The following HOMER2 variants were observed in gnomAD, a reference collection of about 807,000 sequenced individuals.
HOMER2 encodes homer scaffold protein 2.
Under a neutral mutation model 47.0 loss-of-function variants are expected in HOMER2, and 27 were observed. The observed-to-expected ratio is 0.57, with a 90% CI of 0.42 to 0.79. The LOEUF (loss-of-function observed/expected upper bound fraction) is 0.79, where lower values mean the gene tolerates loss of function less well. Ranked by LOEUF, HOMER2 falls within the 30% of genes least tolerant of loss-of-function variation. HOMER2 has a pLI of 0.00. For missense variants in HOMER2, 443 were observed against 435.0 expected (o/e 1.02, Z -0.16); for synonymous variants, 161 against 163.8 (o/e 0.98, Z 0.13).
intron 1 of HOMER2, among the ~76,000 whole-genome samples, chr15:82,915,119 AAATTTTTTC>A (rs928028622): frequency 6.6e-6 from 1 of 151,392 alleles, no homozygotes; most frequent in African/African-American, 2.4e-5. Flanking sequence ...GCTCAACTGA[AAATTTTTTC>A]AATTTTTTTT....
At chr15:82,852,340 C>T (rs990791002) in intron 6 of HOMER2, 88 bp from the exon 7 acceptor site, 1 of 919,070 alleles carries the variant, frequency 1.1e-6, no homozygotes, top group Non-Finnish European at 1.7e-6. Context: ...CTTCTCTTTT[C>T]TTTTAAAATA....
intron 1 of HOMER2, among the ~76,000 whole-genome samples, chr15:82,901,126 G>A (rs2053102227): frequency 6.6e-6 from 1 of 152,144 alleles, no homozygotes; most frequent in South Asian, 2.1e-4. Flanking sequence ...TGGGTCACAG[G>A]CAGAGGGCTA....
chr15:82,880,401 C>T (rs2052484360), intron 2 of HOMER2, among the ~76,000 whole-genome samples: 1 of 152,192 alleles, frequency 6.6e-6, no homozygotes, highest in Admixed American at 6.5e-5. Flanking sequence ...GAGTGGTGAT[C>T]TCTTGAGGAG....
chr15:82,912,435 C>T (rs12913501), intron 1 of HOMER2, among the ~76,000 whole-genome samples: 15,141 of 152,136 alleles, frequency 0.1, 1,027 homozygotes, highest in Middle Eastern at 0.24. Flanking sequence ...CTTTTTATGG[C>T]TGTATTATAG....
chr15:82,940,927 T>G (rs2054253079), intron 1 of HOMER2, among the ~76,000 whole-genome samples: 1 of 151,930 alleles, frequency 6.6e-6, no homozygotes, highest in African/African-American at 2.4e-5. Context: ...TCACCCCCAG[T>G]GAGAAGTCTG....
chr15:82,870,785 C>A (rs1295292566), intron 3 of HOMER2, among the ~76,000 whole-genome samples: 1 of 152,176 alleles, frequency 6.6e-6, no homozygotes, highest in Non-Finnish European at 1.5e-5. Context: ...GATGAAATCA[C>A]TGAAGTGGGT....
Position 82,851,168 on chromosome 15 carries a change from C to G in HOMER2, c.826G>C (p.Val276Leu), listed in dbSNP as rs1596300087. The G allele has an allele frequency of 2.5e-6, 4 of 1,580,064 alleles. No homozygotes were observed. The highest frequency in any genetic ancestry group is 3.4e-6 in the Non-Finnish European group (4 of 1,161,098). The change falls in exon 8 of 9, where the codon GTC becomes CTC. Residue 276 changes from valine (V) to leucine (L), a missense_variant. Transcript: ENST00000450735. Reference protein sequence around the residue: ...IPQLMSECEYVSEKLEAAERD... With the variant: ...IPQLMSECEYLSEKLEAAERD... ...CCACGTACCTCTAGCTTCTCAGAGA[C>G]ATATTCGCACTCTGACATGAGCTGA...
At chr15:82,903,273 G>A (rs1423196892) in intron 1 of HOMER2, among the ~76,000 whole-genome samples, 2 of 152,140 alleles carry the variant, frequency 1.3e-5, no homozygotes, top group Non-Finnish European at 2.9e-5. Flanking sequence ...AGCATTTCCA[G>A]TTTCCAGTTC....
At chr15:82,944,040 T>TA (rs2054319106) in intron 1 of HOMER2, among the ~76,000 whole-genome samples, 1 of 152,248 alleles carries the variant, frequency 6.6e-6, no homozygotes, top group African/African-American at 2.4e-5. Context: ...GGCTTATGAA[T>TA]AAAAATTTTT....
At chr15:82,857,037 G>T (rs2051609564) in intron 5 of HOMER2, among the ~76,000 whole-genome samples, 1 of 152,096 alleles carries the variant, frequency 6.6e-6, no homozygotes, top group East Asian at 1.9e-4. Flanking sequence ...TTCTCTTATG[G>T]ACCCAATGCT....
At chr15:82,955,755 T>C (rs1027219853), upstream of HOMER2, among the ~76,000 whole-genome samples, 2 of 152,256 alleles carry the variant, frequency 1.3e-5, no homozygotes, top group Non-Finnish European at 2.9e-5. Flanking sequence ...TCACCTGCTG[T>C]GTATCTGGTA....
At chr15:82,860,949 T>TGTG (rs55876601) in intron 4 of HOMER2, among the ~76,000 whole-genome samples, 1 of 71,100 alleles carries the variant, frequency 1.4e-5, no homozygotes, top group African/African-American at 6.4e-5. Flanking sequence ...AGATAGAAGA[T>TGTG]AGAAGATGAG....
chr15:82,933,002 G>A (rs887690935), intron 1 of HOMER2, among the ~76,000 whole-genome samples: 3 of 151,986 alleles, frequency 2.0e-5, no homozygotes, highest in East Asian at 1.9e-4. Flanking sequence ...ACAGGGGGGC[G>A]GCTCTCTCCT....
At chr15:82,835,074 C>T (rs1290339626), downstream of HOMER2, 6 of 152,054 alleles carry the variant, frequency 3.9e-5, no homozygotes. Flanking sequence ...GAACGCACCT[C>T]GTTTACAAAG....
intron 1 of HOMER2, among the ~76,000 whole-genome samples, chr15:82,908,199 C>T (rs941968647): frequency 1.3e-5 from 2 of 151,976 alleles, no homozygotes; most frequent in Admixed American, 1.3e-4. Context: ...GTTCCAAAGT[C>T]TCTGATTACA....
chr15:82,980,072 G>T (rs1381733145), intron 1 of HOMER2, among the ~76,000 whole-genome samples: 1 of 152,048 alleles, frequency 6.6e-6, no homozygotes, highest in Non-Finnish European at 1.5e-5. Flanking sequence ...AAGAGACAGA[G>T]ATAGAGAAGT....
intron 1 of HOMER2, among the ~76,000 whole-genome samples, chr15:82,900,030 T>C (rs1367202179): frequency 6.6e-6 from 1 of 151,672 alleles, no homozygotes; most frequent in African/African-American, 2.4e-5. Flanking sequence ...CATCTCAAAA[T>C]AAAAAATATA....
At chr15:82,910,890 G>C (rs1032396973) in intron 1 of HOMER2, among the ~76,000 whole-genome samples, 3 of 151,868 alleles carry the variant, frequency 2.0e-5, no homozygotes, top group African/African-American at 4.8e-5. Context: ...CAAGAGGAAG[G>C]CTGCTCCACA....
intron 1 of HOMER2, among the ~76,000 whole-genome samples, chr15:82,903,644 G>A (rs1381451162): frequency 1.3e-5 from 2 of 151,154 alleles, no homozygotes; most frequent in Non-Finnish European, 3.0e-5. Context: ...ACGGCAACAA[G>A]AGCGAAACTC....
Sources: gnomAD v4.1 joint callset for allele counts (sites outside exome capture counted in the v4.1 genomes callset) on GRCh38, gnomAD v4.1.1 for gene constraint, MANE v1.5 for transcripts, NCBI Gene and HGNC (gene_info 2026-07-23, HGNC 2026-07-21) for gene names.